The following IPO9 variants were observed in gnomAD, a reference collection of about 807,000 sequenced individuals.
IPO9 encodes importin-9.
Under a neutral mutation model 128.6 loss-of-function variants are expected in IPO9, and 28 were observed. The ratio of observed to expected loss-of-function variants is 0.22; its 90% CI spans 0.16 to 0.30. The LOEUF (loss-of-function observed/expected upper bound fraction) is 0.30. Among genes scored for constraint, IPO9 ranks in the 10% least tolerant of loss-of-function variants. The pLI is 1.00. For synonymous variants in IPO9, 455 were observed against 475.8 expected (o/e 0.96, Z 0.57); for missense variants, 935 against 1,293.9 (o/e 0.72, Z 4.26).
chr1:201,843,642 A>G (rs1459549406), intron 1 of IPO9, among the ~76,000 whole-genome samples: 1 of 152,242 alleles, frequency 6.6e-6, no homozygotes, highest in Non-Finnish European at 1.5e-5. Context: ...AGCCTGGCCA[A>G]CATGGCAAAA....
chr1:201,833,480 C>A (rs1157927282), intron 1 of IPO9, among the ~76,000 whole-genome samples: 1 of 152,236 alleles, frequency 6.6e-6, no homozygotes, highest in South Asian at 2.1e-4. Flanking sequence ...CTCAGGTGAT[C>A]CACCCACCTT....
chr1:201,833,042 T>G (rs748307412), intron 1 of IPO9, among the ~76,000 whole-genome samples: 29 of 152,196 alleles, frequency 1.9e-4, no homozygotes, highest in Admixed American at 6.5e-5. Flanking sequence ...TCATTTAGTG[T>G]ACCAGCTGAT....
rs1680758290 is a variant in IPO9 at position 201,876,132 on chromosome 1, ACTTT to A, written c.*82_*85del. The stretch of plus-strand genomic sequence containing the variant: ...GCAGCCCTCACTGGCCTTGAGATGC[ACTTT>A]CTTCTCAACCTAAAGTGGCATCTTG... On this transcript the variant is annotated 3_prime_UTR_variant, in exon 24 of 24. Coordinates refer to ENST00000361565, the MANE Select transcript of IPO9 (RefSeq NM_018085.5). 1.0e-6 allele frequency: 1 copy of A among 961,094 alleles called. No individual in the cohort carries two copies. Among genetic ancestry groups the A allele is most frequent in the Admixed American group, 1.7e-5 (1 of 59,158 alleles). The allele number at this position is 961,094 out of a possible 1,614,324, so 59.5% of individuals were successfully genotyped here.
intron 22 of IPO9, 56 bp downstream of exon 22, chr1:201,874,992 T>A: frequency 6.9e-7 from 1 of 1,438,998 alleles, no homozygotes; most frequent in East Asian, 2.3e-5. Context: ...TGCACACTGA[T>A]CCCAACAGTG....
rs929430568 is a variant in IPO9, at chr1:201,881,657, C to G, written c.*5603C>G. 1 of 152,084 alleles carries G rather than the reference C, an allele frequency of 6.6e-6. No individual in the cohort carries two copies. Among genetic ancestry groups the G allele is most frequent in the Non-Finnish European group, 1.5e-5 (1 of 68,028 alleles). The allele number at this position is 152,084 out of a possible 1,614,324, so 9.4% of individuals were successfully genotyped here. On this transcript the variant is annotated 3_prime_UTR_variant, in exon 24 of 24. Coordinates refer to ENST00000361565, the MANE Select transcript of IPO9 (RefSeq NM_018085.5). ...CTTCCTCTAGAGAATGGGAGACTAC[C>G]CAAGATAACTAAACAGGGAAGTGAT... is the stretch of plus-strand genomic sequence containing the variant.
intron 4 of IPO9, among the ~76,000 whole-genome samples, chr1:201,851,385 G>A (rs535270156): frequency 4.0e-4 from 60 of 151,882 alleles, no homozygotes; most frequent in Non-Finnish European, 7.4e-4. Flanking sequence ...TGGAACTCAA[G>A]AGCTTTATTC....
intron 23 of IPO9, among the ~76,000 whole-genome samples, chr1:201,875,644 G>C (rs1424163034): frequency 2.0e-5 from 3 of 152,112 alleles, no homozygotes; most frequent in Non-Finnish European, 2.9e-5. Context: ...ATGGGAAAGA[G>C]TTCCTGTCTT....
In IPO9 at chr1:201,829,175, C is replaced by G; in HGVS notation, c.-35C>G. The stretch of plus-strand genomic sequence containing the variant: ...GGGGGCCGTCATTCGGTGGCGGGTC[C>G]CGGCCGCGGGGCTGGCGGGCTGAGG... On this transcript the variant is annotated 5_prime_UTR_variant, in exon 1 of 24. Transcript: ENST00000361565. 6.9e-7 allele frequency: 1 copy of G among 1,457,274 alleles called. No homozygotes were observed. Among genetic ancestry groups the G allele is most frequent in the Non-Finnish European group, 9.0e-7 (1 of 1,105,310 alleles). 90.3% of individuals were successfully genotyped at this position (1,457,274 alleles called of 1,614,324 possible).
chr1:201,851,405 G>A (rs1274998802), intron 4 of IPO9, among the ~76,000 whole-genome samples: 1 of 151,448 alleles, frequency 6.6e-6, no homozygotes, highest in Non-Finnish European at 1.5e-5. Flanking sequence ...CTGCTGCTTT[G>A]TAACATGAAT....
chr1:201,873,019 T>C, intron 20 of IPO9, 58 bp downstream of exon 20: 2 of 1,534,082 alleles, frequency 1.3e-6, no homozygotes, highest in South Asian at 1.2e-5. Flanking sequence ...TAAGGATACC[T>C]GGGTGAAGGG....
chr1:201,874,723 A>G (rs1680726549), intron 21 of IPO9, 109 bp from the exon 22 acceptor site: 1 of 766,466 alleles, frequency 1.3e-6, no homozygotes. Flanking sequence ...GGGGACTACA[A>G]GCCACATTGC....
chr1:201,863,270 T>C, intron 13 of IPO9, 178 bp from the exon 14 acceptor site: 1 of 444,888 alleles, frequency 2.2e-6, no homozygotes, highest in East Asian at 3.9e-5. Flanking sequence ...GACAGTTGCT[T>C]GAACCCGGGG....
intron 1 of IPO9, among the ~76,000 whole-genome samples, chr1:201,846,250 C>A (rs946984251): frequency 1.3e-5 from 2 of 152,226 alleles, no homozygotes; most frequent in Non-Finnish European, 1.5e-5. Flanking sequence ...TTTGTTGAAG[C>A]CAGGTTTTCT....
intron 1 of IPO9, among the ~76,000 whole-genome samples, chr1:201,829,739 C>G (rs942892817): frequency 2.6e-5 from 4 of 152,100 alleles, no homozygotes; most frequent in Non-Finnish European, 4.4e-5. Flanking sequence ...TCGCTGTTCT[C>G]TTCACCAGCT....
In IPO9 at chr1:201,880,853, T is replaced by A. The variant is rs1680871008; in HGVS notation, c.*4799T>A. On this transcript the variant is annotated 3_prime_UTR_variant, in exon 24 of 24. Transcript: ENST00000361565. ...TCCATACAATCAGTACAGTATTCAA[T>A]AAATTACATGAGACATTCAACACTT... The A allele has an allele frequency of 6.6e-6, 1 of 152,232 alleles. No homozygotes were observed. The highest frequency in any genetic ancestry group is 2.4e-5 in the African/African-American group (1 of 41,460). The allele number at this position is 152,232 out of a possible 1,614,324, so 9.4% of individuals were successfully genotyped here. A position where few individuals can be genotyped will look rare whatever the true frequency, so the allele number is the denominator to read the frequency against.
intron 1 of IPO9, among the ~76,000 whole-genome samples, chr1:201,841,198 G>C (rs1383344472): frequency 1.3e-5 from 2 of 152,106 alleles, no homozygotes; most frequent in Non-Finnish European, 2.9e-5. Flanking sequence ...TTGTAAAATA[G>C]TATTTACAAA....
chr1:201,875,796 G>C, intron 23 of IPO9, 148 bp from the exon 24 acceptor site: 1 of 678,530 alleles, frequency 1.5e-6, no homozygotes, highest in South Asian at 1.7e-5. Flanking sequence ...ACCTAAACTA[G>C]ATCCAAGAAC....
At position 201,852,535 on chromosome 1, in the gene IPO9, A is replaced by G. The variant is rs116739136; in HGVS notation, c.603+343A>G. On this transcript the variant is annotated intron_variant, in intron 5 of 23. Coordinates refer to ENST00000361565, the MANE Select transcript of IPO9 (RefSeq NM_018085.5). Reference sequence around the variant, plus strand: ...TACCTCAGCTAAGTAATGGGAAGCAATCTATCACTGCATTGCACATAATAG... The same window carrying G: ...TACCTCAGCTAAGTAATGGGAAGCAGTCTATCACTGCATTGCACATAATAG... 7.4e-3 allele frequency among the ~76,000 whole-genome samples: 1,127 copies of G among 152,278 alleles called. 13 individuals carry two copies. Among genetic ancestry groups the G allele is most frequent in the African/African-American group, 0.025 (1,056 of 41,540 alleles).
In IPO9 at chr1:201,858,516, G is replaced by A; in HGVS notation, c.1291G>A (p.Glu431Lys). ...LAAAATRHLQ[E>K]AEQTKNSGTE... ...TGCTGCAGCCACTCGACATTTACAA[G>A]AAGCTGAGCAAACCAAAAACAGTGG... The change falls in exon 12 of 24, where the codon GAA becomes AAA. Residue 431 changes from glutamate to lysine, a missense_variant. By Grantham distance (56) the Glu-to-Lys change is moderately conservative (BLOSUM62 1). Around this residue, in one of 3 missense-constraint regions of IPO9, gnomAD observed 741 missense variants for 1,019.1 expected, o/e 0.73. Transcript: ENST00000361565. 6.3e-7 allele frequency: 1 copy of A among 1,592,104 alleles called. No homozygotes were observed. The highest frequency in any genetic ancestry group is 2.2e-5 in the East Asian group (1 of 44,596).
Sources: gnomAD v4.1 joint callset for allele counts (sites outside exome capture counted in the v4.1 genomes callset) on GRCh38, gnomAD v4.1.1 for gene constraint, gnomAD v4.1.1 regional missense constraint, MANE v1.5 for transcripts, NCBI Gene and HGNC (gene_info 2026-07-23, HGNC 2026-07-21) for gene names.